The following VWC2 variants were observed in gnomAD, a reference collection of about 807,000 sequenced individuals.
VWC2 encodes von Willebrand factor C domain containing 2, also known as brorin.
Under a neutral mutation model 29.8 loss-of-function variants are expected in VWC2, and 14 were observed. That is an observed-to-expected ratio of 0.47 (90% CI 0.31 to 0.74). The LOEUF is 0.74. Ranked by LOEUF, VWC2 falls within the 30% of genes least tolerant of loss-of-function variation. The pLI is 0.05. For missense variants in VWC2, 457 were observed against 459.8 expected, an observed-to-expected ratio of 0.99 and a Z score of 0.05; for synonymous variants, 213 against 199.0, an observed-to-expected ratio of 1.07 and a Z score of -0.59.
intron 3 of VWC2, among the ~76,000 whole-genome samples, chr7:49,867,567 A>C (rs1477501243): frequency 1.3e-5 from 2 of 152,356 alleles, no homozygotes; most frequent in East Asian, 3.9e-4. Flanking sequence ...AGGTAACTAA[A>C]GGCTACACAG....
intron 3 of VWC2, among the ~76,000 whole-genome samples, chr7:49,906,495 C>T (rs1030775256): frequency 2.0e-5 from 3 of 152,006 alleles, no homozygotes; most frequent in Non-Finnish European, 4.4e-5. Context: ...GCCACCACAC[C>T]CAGCTAATTT....
At chr7:49,782,571 G>A (rs1054623384) in intron 2 of VWC2, among the ~76,000 whole-genome samples, 1 of 151,796 alleles carries the variant, frequency 6.6e-6, no homozygotes, top group Admixed American at 6.6e-5. Context: ...GGGGCCTGGT[G>A]TGGTGACTCA....
At chr7:49,890,152 C>A (rs1420511429) in intron 3 of VWC2, among the ~76,000 whole-genome samples, 1 of 152,132 alleles carries the variant, frequency 6.6e-6, no homozygotes, top group Non-Finnish European at 1.5e-5. Context: ...ACAGATGAAG[C>A]AGAGCTCTGT....
chr7:49,829,426 C>T (rs1167586771), intron 3 of VWC2, among the ~76,000 whole-genome samples: 3 of 152,008 alleles, frequency 2.0e-5, no homozygotes, highest in Non-Finnish European at 4.4e-5. Context: ...CCTCTCTCTC[C>T]TCTGTGTCCC....
At chr7:49,825,876 G>A (rs1199128984) in intron 3 of VWC2, among the ~76,000 whole-genome samples, 1 of 152,028 alleles carries the variant, frequency 6.6e-6, no homozygotes, top group Non-Finnish European at 1.5e-5. Context: ...CTTATTCCTC[G>A]GTTGGCCAGA....
At chr7:49,777,899 G>A (rs893248728) in intron 2 of VWC2, among the ~76,000 whole-genome samples, 1 of 151,926 alleles carries the variant, frequency 6.6e-6, no homozygotes, top group African/African-American at 2.4e-5. Context: ...GTTTTGAATT[G>A]GTAACATCAT....
At position 49,775,821 on chromosome 7, in the gene VWC2, A is replaced by C. The variant is rs1329680259; in HGVS notation, c.386A>C (p.Asp129Ala). 1 of 1,543,924 alleles carries C rather than the reference A, an allele frequency of 6.5e-7. No individual in the cohort carries two copies. The highest frequency in any genetic ancestry group is 1.2e-5 in the South Asian group (1 of 83,536). ...QAEALAAAAQDAIGPELAPTP... is the reference protein window; with the variant it reads ...QAEALAAAAQAAIGPELAPTP... ...GAAGCCCTGGCCGCAGCCGCCCAGGACGCGATTGGCCCGGAACTCGCGCCC... is the reference window on the plus strand; with the variant it reads ...GAAGCCCTGGCCGCAGCCGCCCAGGCCGCGATTGGCCCGGAACTCGCGCCC... The change falls in exon 2 of 4, where the codon GAC (aspartate) becomes GCC (alanine). Residue 129 changes from aspartate (D) to alanine (A), a missense_variant. Asp to Ala is a moderately radical substitution (Grantham distance 126). Transcript: ENST00000340652.
chr7:49,794,240 G>A lies in VWC2; in HGVS notation c.697-8471G>A, dbSNP rs145820735. ...TCTTGGCCAAGACCTGATGCTATCA[G>A]ACATTCTTTTCATGCAGCTCGAATG... On this transcript the variant is annotated intron_variant, in intron 2 of 3. Transcript: ENST00000340652. Among the ~76,000 whole-genome samples, 229 of 152,306 alleles carry A rather than the reference G, an allele frequency of 1.5e-3. 1 individual carries two copies. Among genetic ancestry groups the A allele is most frequent in the Non-Finnish European group, 2.3e-3 (158 of 68,020 alleles).
chr7:49,849,078 G>A (rs200418639), intron 3 of VWC2, among the ~76,000 whole-genome samples: 3 of 152,038 alleles, frequency 2.0e-5, no homozygotes, highest in African/African-American at 4.8e-5. Flanking sequence ...CGCTTCCCTC[G>A]CATTTCTTGT....
intron 3 of VWC2, among the ~76,000 whole-genome samples, chr7:49,839,801 T>C (rs1789751082): frequency 6.6e-6 from 1 of 152,108 alleles, no homozygotes; most frequent in Non-Finnish European, 1.5e-5. Flanking sequence ...TGAACTCAAG[T>C]TAGGAGTGAG....
At chr7:49,902,387 G>A (rs1487477237) in intron 3 of VWC2, among the ~76,000 whole-genome samples, 1 of 151,958 alleles carries the variant, frequency 6.6e-6, no homozygotes, top group Non-Finnish European at 1.5e-5. Context: ...GAAGAGGACA[G>A]ACACATAGAT....
chr7:49,781,503 T>G (rs763104639), intron 2 of VWC2, among the ~76,000 whole-genome samples: 1 of 152,212 alleles, frequency 6.6e-6, no homozygotes, highest in Non-Finnish European at 1.5e-5. Flanking sequence ...GGTGGTATTT[T>G]CTTTATTTTT....
At chr7:49,778,589 C>T (rs947551125) in intron 2 of VWC2, among the ~76,000 whole-genome samples, 21 of 152,324 alleles carry the variant, frequency 1.4e-4, no homozygotes, top group African/African-American at 5.1e-4. Flanking sequence ...CATTTATTGT[C>T]TCCATTTTTG....
chr7:49,789,765 C>T (rs1788421620), intron 2 of VWC2, among the ~76,000 whole-genome samples: 1 of 152,232 alleles, frequency 6.6e-6, no homozygotes, highest in Admixed American at 6.5e-5. Flanking sequence ...ATGCAGTTGA[C>T]ATTACTTTCT....
chr7:49,829,821 T>C (rs12718223), intron 3 of VWC2, among the ~76,000 whole-genome samples: 135,243 of 152,256 alleles, frequency 0.89, 60,410 homozygotes, highest in East Asian at 0.94. Context: ...ACAACAAGAG[T>C]CTGTGGTTTC....
At chr7:49,779,595 T>TC (rs940919738) in intron 2 of VWC2, among the ~76,000 whole-genome samples, 17 of 152,120 alleles carry the variant, frequency 1.1e-4, no homozygotes, top group Admixed American at 6.5e-5. Context: ...ATTTTTTTTT[T>TC]TCAGTAAAGG....
intron 3 of VWC2, among the ~76,000 whole-genome samples, chr7:49,829,122 A>G (rs1438871656): frequency 6.6e-6 from 1 of 152,158 alleles, no homozygotes; most frequent in Non-Finnish European, 1.5e-5. Flanking sequence ...TCTTGCAATG[A>G]GAGTTGTCTC....
At chr7:49,857,593 C>T (rs552250424) in intron 3 of VWC2, among the ~76,000 whole-genome samples, 9 of 151,884 alleles carry the variant, frequency 5.9e-5, no homozygotes, top group South Asian at 4.2e-4. Flanking sequence ...TTAAAACCTC[C>T]GTGAGACATT....
In VWC2 at chr7:49,776,105, A is replaced by G; in HGVS notation, c.670A>G (p.Thr224Ala). The G allele has an allele frequency of 6.5e-7, 1 of 1,539,298 alleles. No individual in the cohort carries two copies. The change falls in exon 2 of 4, where the codon ACC becomes GCC. Residue 224 changes from threonine to alanine, a missense_variant. By Grantham distance (58) the Thr-to-Ala change is moderately conservative. This residue lies in a region of VWC2 where 185 missense variants were observed against 257.1 expected (regional missense o/e 0.72). Transcript: ENST00000340652. ...GAACTACTGCGAGTTCCGGGGCAAG[A>G]CCTATCAGACTTTGGAGGAGTTCGT... The part of the protein sequence containing the change: ...RKNYCEFRGK[T>A]YQTLEEFVVS...
Sources: gnomAD v4.1 joint callset for allele counts (sites outside exome capture counted in the v4.1 genomes callset) on GRCh38, gnomAD v4.1.1 for gene constraint, gnomAD v4.1.1 regional missense constraint, MANE v1.5 for transcripts, NCBI Gene and HGNC (gene_info 2026-07-23, HGNC 2026-07-21) for gene names.